BMP2K: variants seen among roughly 807,000 people sequenced by gnomAD.
The protein encoded by BMP2K is BMP2 inducible kinase.
A neutral mutation model predicts 116.0 loss-of-function variants in BMP2K; 74 were observed. The ratio of observed to expected loss-of-function variants is 0.64; its 90% CI spans 0.53 to 0.77. The LOEUF is 0.77. Ranked by LOEUF, BMP2K falls within the 30% of genes least tolerant of loss-of-function variation. The pLI is 0.00. For missense variants in BMP2K, 1,365 were observed against 1,403.6 expected, an observed-to-expected ratio of 0.97 and a Z score of 0.44; for synonymous variants, 486 against 502.5, an observed-to-expected ratio of 0.97 and a Z score of 0.44.
intron 13 of BMP2K, among the ~76,000 whole-genome samples, chr4:78,878,482 TA>T (rs1334929859): frequency 6.6e-6 from 1 of 152,174 alleles, no homozygotes; most frequent in Admixed American, 6.5e-5. Flanking sequence ...GCAGAGAAGT[TA>T]AGGAACTTGC....
chr4:78,910,920 TGAAGATGAG>T lies in BMP2K; in HGVS notation c.2379_2387del (p.Asp793_Glu795del). The T allele has an allele frequency of 6.2e-7, 1 of 1,613,936 alleles. No individual in the cohort carries two copies. The highest frequency in any genetic ancestry group is 8.5e-7 in the Non-Finnish European group (1 of 1,179,856). On this transcript the variant is annotated inframe_deletion, in exon 16 of 16. Transcript: ENST00000502613. ...GTCATAGGCCTCTCCTCATGGATTC[TGAAGATGAG>T]GAAGAAGAGGAGAAACATAGCTCTG...
At chr4:78,787,216 G>C (rs902922967) in intron 1 of BMP2K, among the ~76,000 whole-genome samples, 2 of 152,152 alleles carry the variant, frequency 1.3e-5, no homozygotes, top group African/African-American at 4.8e-5. Flanking sequence ...CTGTTCAGTT[G>C]ATATTTAGGA....
intron 1 of BMP2K, among the ~76,000 whole-genome samples, chr4:78,802,738 TG>T (rs1728626478): frequency 6.6e-6 from 1 of 152,246 alleles, no homozygotes. Flanking sequence ...GTAGTTTTTA[TG>T]TATACACAAC....
At position 78,776,658 on chromosome 4, in the gene BMP2K, G is replaced by T. The variant is rs1340144367; in HGVS notation, c.115G>T (p.Val39Leu). ...CGGCTGCGGCTCCGGCGGCTCGTCCGTGGGGGTCCGGGTGTTCGCGGTCGG... is the reference window on the plus strand; with the variant it reads ...CGGCTGCGGCTCCGGCGGCTCGTCCTTGGGGGTCCGGGTGTTCGCGGTCGG... ...GAGCGSGGSS[V>L]GVRVFAVGRH... Residue 39 changes from valine to leucine, a missense_variant, in exon 1 of 16, where the codon GTG becomes TTG. Coordinates refer to ENST00000502613, the MANE Select transcript of BMP2K (RefSeq NM_198892.2). The T allele has an allele frequency of 6.5e-6, 8 of 1,232,640 alleles. No individual in the cohort carries two copies. The highest frequency in any genetic ancestry group is 4.3e-5 in the Admixed American group (1 of 23,452). The allele number at this position is 1,232,640 out of a possible 1,614,324, so 76.4% of individuals were successfully genotyped here.
chr4:78,835,385 G>A (rs761017200), intron 3 of BMP2K, among the ~76,000 whole-genome samples: 5 of 152,080 alleles, frequency 3.3e-5, no homozygotes, highest in Non-Finnish European at 7.4e-5. Flanking sequence ...CAGCACTTTG[G>A]AAGGCAGAGG....
intron 1 of BMP2K, among the ~76,000 whole-genome samples, chr4:78,791,962 G>C (rs1051970172): frequency 1.3e-5 from 2 of 152,100 alleles, no homozygotes; most frequent in East Asian, 3.8e-4. Flanking sequence ...TATATATCCG[G>C]AAGGGAATTA....
chr4:78,862,256 T>C (rs1448659044), intron 9 of BMP2K, among the ~76,000 whole-genome samples: 1 of 152,106 alleles, frequency 6.6e-6, no homozygotes. Flanking sequence ...CAGTTTTTAT[T>C]TCCAAGGAGT....
intron 8 of BMP2K, among the ~76,000 whole-genome samples, chr4:78,860,815 T>C (rs947606500): frequency 3.4e-5 from 5 of 148,570 alleles, no homozygotes; most frequent in South Asian, 2.1e-4. Context: ...GCCATATTGA[T>C]GTACTCTTTT....
intron 15 of BMP2K, among the ~76,000 whole-genome samples, chr4:78,889,464 CTAAA>C (rs1400999033): frequency 6.6e-6 from 1 of 152,086 alleles, no homozygotes; most frequent in Non-Finnish European, 1.5e-5. Flanking sequence ...GTTAAAAAAT[CTAAA>C]TATATTGCTA....
intron 1 of BMP2K, among the ~76,000 whole-genome samples, chr4:78,794,091 CCAAAGA>C (rs1728137021): frequency 2.6e-5 from 4 of 152,004 alleles, no homozygotes; most frequent in Admixed American, 2.6e-4. Flanking sequence ...GGCCGTGTGA[CCAAAGA>C]AAAGTGAGAA....
At chr4:78,800,274 A>G (rs1728505312) in intron 1 of BMP2K, among the ~76,000 whole-genome samples, 1 of 152,170 alleles carries the variant, frequency 6.6e-6, no homozygotes, top group Non-Finnish European at 1.5e-5. Flanking sequence ...CCCCTTCTGA[A>G]GTAATTACAG....
chr4:78,821,562 TC>T (rs1422199287), intron 1 of BMP2K, among the ~76,000 whole-genome samples: 1 of 152,168 alleles, frequency 6.6e-6, no homozygotes, highest in Non-Finnish European at 1.5e-5. Context: ...CCAGAATGTT[TC>T]CTGATGTCCC....
chr4:78,839,270 ACTAG>A (rs1730639519), intron 3 of BMP2K, among the ~76,000 whole-genome samples: 1 of 152,188 alleles, frequency 6.6e-6, no homozygotes, highest in African/African-American at 2.4e-5. Context: ...TCTTTCTGTC[ACTAG>A]CAAGCTGTCC....
chr4:78,894,590 G>T (rs1733606252), intron 15 of BMP2K, among the ~76,000 whole-genome samples: 1 of 152,190 alleles, frequency 6.6e-6, no homozygotes, highest in South Asian at 2.1e-4. Flanking sequence ...GAACGCAGTG[G>T]TTGGTTTGAT....
In BMP2K at chr4:78,855,913, G is replaced by A. The variant is rs551643132; in HGVS notation, c.884-3671G>A. ...GTAATGGTCTTGTGATGATTCAGGT[G>A]ATCATTTTAAGTTGAGTAAACAAGG... On this transcript the variant is annotated intron_variant, in intron 7 of 15. Transcript: ENST00000502613. Among the ~76,000 whole-genome samples the A allele has an allele frequency of 3.3e-5, 5 of 152,076 alleles. No individual in the cohort carries two copies. The East Asian group carries it at 9.6e-4, about 29-fold the overall frequency.
intron 15 of BMP2K, among the ~76,000 whole-genome samples, chr4:78,892,991 G>C (rs1268181842): frequency 6.6e-6 from 1 of 152,174 alleles, no homozygotes. Flanking sequence ...CAATGATTAA[G>C]TTTGCAAAAT....
At chr4:78,832,346 T>C (rs949033201) in intron 2 of BMP2K, among the ~76,000 whole-genome samples, 3 of 152,208 alleles carry the variant, frequency 2.0e-5, no homozygotes, top group Non-Finnish European at 2.9e-5. Flanking sequence ...TCAGTTGTAC[T>C]TATCCACCTG....
rs1349556692 is a variant in BMP2K, at chr4:78,915,235, AC to A, written c.*3203del. ...CCTGTTTATTGTTTAAGAGTGATAG[AC>A]TGTTGTCCTCTTGCTGGTGGAAAAT... is the stretch of plus-strand genomic sequence containing the variant. On this transcript the variant is annotated 3_prime_UTR_variant, in exon 16 of 16. Transcript: ENST00000502613. 6.6e-6 allele frequency: 1 copy of A among 151,974 alleles called. No individual in the cohort carries two copies. The highest frequency in any genetic ancestry group is 1.5e-5 in the Non-Finnish European group (1 of 67,902). 9.4% of individuals were successfully genotyped at this position (151,974 alleles called of 1,614,324 possible). A position where few individuals can be genotyped will look rare whatever the true frequency, so the allele number is the denominator to read the frequency against.
intron 15 of BMP2K, among the ~76,000 whole-genome samples, chr4:78,892,020 G>A (rs1211537526): frequency 6.6e-6 from 1 of 152,118 alleles, no homozygotes; most frequent in Non-Finnish European, 1.5e-5. Flanking sequence ...GTCTTTAAAA[G>A]GATGTTTTAT....
Sources: allele counts gnomAD v4.1 joint callset (sites outside exome capture counted in the v4.1 genomes callset), GRCh38; gene constraint gnomAD v4.1.1; transcripts MANE v1.5; gene names NCBI Gene and HGNC (gene_info 2026-07-23, HGNC 2026-07-21).